LTBP1: variants seen among roughly 807,000 people sequenced by gnomAD.
LTBP1 encodes the protein latent-transforming growth factor beta-binding protein 1.
A neutral mutation model predicts 207.6 loss-of-function variants in LTBP1; 129 were observed. The ratio of observed to expected loss-of-function variants is 0.62; its 90% CI spans 0.54 to 0.72. The LOEUF is 0.72. Among genes scored for constraint, LTBP1 ranks in the 30% least tolerant of loss-of-function variants. The pLI, the probability that LTBP1 is intolerant of heterozygous loss-of-function variation, is 0.00. For missense variants in LTBP1, 2,281 were observed against 2,217.2 expected (o/e 1.03, Z -0.58); for synonymous variants, 963 against 833.7 (o/e 1.16, Z -2.67).
chr2:33,361,309 A>T, intron 27 of LTBP1, 120 bp from the exon 28 acceptor site: 1 of 563,334 alleles, frequency 1.8e-6, no homozygotes, highest in South Asian at 2.6e-5. Context: ...AGATTGTACT[A>T]AATTTATTTG....
chr2:33,013,486 TA>T (rs573615355), intron 2 of LTBP1, among the ~76,000 whole-genome samples: 6 of 152,226 alleles, frequency 3.9e-5, no homozygotes, highest in South Asian at 2.1e-4. Context: ...TTTTCTGGGT[TA>T]TTTTTTTCCC....
chr2:33,025,588 C>T (rs1240094197), intron 3 of LTBP1, among the ~76,000 whole-genome samples: 2 of 152,164 alleles, frequency 1.3e-5, no homozygotes, highest in Non-Finnish European at 2.9e-5. Flanking sequence ...ATTTATAGAA[C>T]AATCATGAAC....
chr2:32,989,485 G>C (rs1684081776), intron 2 of LTBP1, among the ~76,000 whole-genome samples: 2 of 152,118 alleles, frequency 1.3e-5, no homozygotes, highest in Non-Finnish European at 2.9e-5. Context: ...TTTTGGGTCT[G>C]TTTCAAAGTG....
At chr2:33,189,594 A>G (rs17641062) in intron 7 of LTBP1, among the ~76,000 whole-genome samples, 67,116 of 152,156 alleles carry the variant, frequency 0.44, 15,485 homozygotes, top group Non-Finnish European at 0.5. Context: ...ATGGTACAGA[A>G]TATATATTCC....
At chr2:33,170,257 A>C (rs577665390) in intron 5 of LTBP1, among the ~76,000 whole-genome samples, 2,393 of 152,288 alleles carry the variant, frequency 0.016, 29 homozygotes, top group Non-Finnish European at 0.022. Flanking sequence ...TAGTCAAAGA[A>C]AGGGGTGACA....
At chr2:33,263,632 G>A (rs2093083800) in intron 15 of LTBP1, among the ~76,000 whole-genome samples, 1 of 152,294 alleles carries the variant, frequency 6.6e-6, no homozygotes, top group African/African-American at 2.4e-5. Context: ...TTAATATCAT[G>A]AGGAAATATG....
chr2:33,347,702 T>TGGGTGGG (rs2094722838), intron 26 of LTBP1, among the ~76,000 whole-genome samples, 192 bp downstream of exon 26: 1 of 152,218 alleles, frequency 6.6e-6, no homozygotes, highest in Non-Finnish European at 1.5e-5. Flanking sequence ...TGATGACTCT[T>TGGGTGGG]TGGGCTAGAT....
At chr2:33,088,418 C>A (rs1205641611) in intron 3 of LTBP1, among the ~76,000 whole-genome samples, 1 of 152,058 alleles carries the variant, frequency 6.6e-6, no homozygotes, top group East Asian at 1.9e-4. Flanking sequence ...TGCCACTGCA[C>A]TTCAGCCTTG....
intron 2 of LTBP1, among the ~76,000 whole-genome samples, chr2:33,001,352 AC>A (rs1686040381): frequency 7.4e-6 from 1 of 135,082 alleles, no homozygotes; most frequent in Admixed American, 7.6e-5. Context: ...TCAGCCCCAA[AC>A]CCAGAGTTTC....
chr2:33,043,459 T>C (rs543171744), intron 3 of LTBP1, among the ~76,000 whole-genome samples: 1 of 152,326 alleles, frequency 6.6e-6, no homozygotes, highest in Non-Finnish European at 1.5e-5. Context: ...CTTGCCATGC[T>C]ATATTTTGGA....
intron 24 of LTBP1, among the ~76,000 whole-genome samples, chr2:33,324,879 T>A (rs2094407000): frequency 2.6e-5 from 4 of 152,020 alleles, no homozygotes; most frequent in Admixed American, 1.3e-4. Context: ...TTTTGTTTGT[T>A]TGTTTTTAGT....
In LTBP1 at chr2:33,134,980, C is replaced by G. The variant is rs2082027040; in HGVS notation, c.1201+20C>G. On this transcript the variant is annotated intron_variant, in intron 5 of 33. Transcript: ENST00000404816. This position sits in a 1 kb window ranked among gnomAD's most constrained non-coding sequence, Gnocchi z 4.4. ...GAGTGGGTGAGTTCCTCCACGGTCC[C>G]TAACTGTCCTTACTGAGTCGAGTTT... The G allele has an allele frequency of 6.3e-7, 1 of 1,587,098 alleles. No homozygotes were observed. Among genetic ancestry groups the G allele is most frequent in the Non-Finnish European group, 8.6e-7 (1 of 1,166,210 alleles).
At chr2:33,053,895 A>C (rs938469923) in intron 3 of LTBP1, among the ~76,000 whole-genome samples, 7 of 152,122 alleles carry the variant, frequency 4.6e-5, no homozygotes, top group African/African-American at 1.7e-4. Context: ...ATATTGAAGG[A>C]CCAGAGTGCC....
intron 3 of LTBP1, among the ~76,000 whole-genome samples, chr2:33,036,578 C>G (rs1222889868): frequency 6.6e-6 from 1 of 152,114 alleles, no homozygotes; most frequent in Non-Finnish European, 1.5e-5. Context: ...CTGCCTTAGC[C>G]TCCCAAGTAG....
At chr2:33,254,142 A>G (rs1256619635) in intron 11 of LTBP1, among the ~76,000 whole-genome samples, 3 of 151,862 alleles carry the variant, frequency 2.0e-5, no homozygotes, top group Admixed American at 6.6e-5. Context: ...TCAGCCTCCC[A>G]AAGTGCTGGG....
intron 2 of LTBP1, among the ~76,000 whole-genome samples, chr2:32,975,125 T>C (rs546896116): frequency 6.6e-6 from 1 of 152,242 alleles, no homozygotes. Flanking sequence ...TATTTCTTCT[T>C]TGCGTATGAT....
At chr2:33,147,026 A>C (rs1353664630) in intron 5 of LTBP1, among the ~76,000 whole-genome samples, 1 of 152,214 alleles carries the variant, frequency 6.6e-6, no homozygotes, top group African/African-American at 2.4e-5. Context: ...CACCTGTGTA[A>C]AAATGTTTAC....
chr2:33,112,940 A>C (rs138668209), intron 4 of LTBP1, among the ~76,000 whole-genome samples: 308 of 152,358 alleles, frequency 2.0e-3, no homozygotes, highest in Non-Finnish European at 2.5e-3. Context: ...GATCAAATGC[A>C]AACATTAATT....
At chr2:33,184,159 C>T (rs1202275302) in intron 5 of LTBP1, among the ~76,000 whole-genome samples, 1 of 152,144 alleles carries the variant, frequency 6.6e-6, no homozygotes, top group Non-Finnish European at 1.5e-5. Flanking sequence ...TCCTCACTGA[C>T]TTTCCCACTC....
Sources: allele counts gnomAD v4.1 joint callset (sites outside exome capture counted in the v4.1 genomes callset), GRCh38; gene constraint gnomAD v4.1.1; non-coding constraint Gnocchi (gnomAD v3.1); transcripts MANE v1.5; gene names NCBI Gene and HGNC (gene_info 2026-07-23, HGNC 2026-07-21).